The following EXOC6B variants were observed in gnomAD, a reference collection of about 807,000 sequenced individuals.
The protein encoded by EXOC6B is SEC15 homolog B.
A neutral mutation model predicts 113.5 loss-of-function variants in EXOC6B; 54 were observed. That is an observed-to-expected ratio of 0.48 (90% CI 0.38 to 0.60). EXOC6B has a LOEUF of 0.60. Among genes scored for constraint, EXOC6B ranks in the 20% least tolerant of loss-of-function variants. EXOC6B has a pLI of 0.00. For missense variants in EXOC6B, 797 were observed against 977.5 expected, an observed-to-expected ratio of 0.82 and a Z score of 2.46; for synonymous variants, 357 against 339.0, an observed-to-expected ratio of 1.05 and a Z score of -0.58.
intron 20 of EXOC6B, among the ~76,000 whole-genome samples, chr2:72,188,636 C>T (rs1321988263): frequency 6.6e-6 from 1 of 152,204 alleles, no homozygotes; most frequent in East Asian, 1.9e-4. Context: ...GATTTCCAGA[C>T]TGACTTTCAA....
intron 16 of EXOC6B, among the ~76,000 whole-genome samples, chr2:72,483,462 G>A (rs1033966835): frequency 6.6e-6 from 1 of 152,096 alleles, no homozygotes; most frequent in African/African-American, 2.4e-5. Context: ...GATATTGGCA[G>A]TTAAAGAAAA....
chr2:72,450,794 G>T (rs1369560946), intron 18 of EXOC6B, among the ~76,000 whole-genome samples: 2 of 152,116 alleles, frequency 1.3e-5, no homozygotes, highest in Non-Finnish European at 2.9e-5. Flanking sequence ...CAGTTGACTG[G>T]GGCCATAAAC....
At chr2:72,596,039 C>G (rs1398686047) in intron 6 of EXOC6B, among the ~76,000 whole-genome samples, 2 of 152,112 alleles carry the variant, frequency 1.3e-5, no homozygotes, top group Non-Finnish European at 2.9e-5. Flanking sequence ...GGCTTCTCCT[C>G]AGTAATAATA....
intron 6 of EXOC6B, among the ~76,000 whole-genome samples, chr2:72,714,135 T>C (rs1271125384): frequency 6.6e-6 from 1 of 152,160 alleles, no homozygotes; most frequent in Admixed American, 6.5e-5. Context: ...AAGCAAAACA[T>C]AAAATTTCTA....
At chr2:72,683,636 A>G (rs1558915288) in intron 6 of EXOC6B, among the ~76,000 whole-genome samples, 1 of 152,178 alleles carries the variant, frequency 6.6e-6, no homozygotes, top group Non-Finnish European at 1.5e-5. Context: ...ATACACCTTT[A>G]TATAATATTT....
intron 19 of EXOC6B, among the ~76,000 whole-genome samples, chr2:72,338,608 T>C (rs920004355): frequency 6.6e-6 from 1 of 152,180 alleles, no homozygotes; most frequent in African/African-American, 2.4e-5. Flanking sequence ...TTTGTAATTT[T>C]GTGACTCAGT....
intron 17 of EXOC6B, among the ~76,000 whole-genome samples, chr2:72,470,737 T>G (rs1024876025): frequency 5.3e-5 from 8 of 151,522 alleles, no homozygotes; most frequent in African/African-American, 1.9e-4. Context: ...TTGTCCTTGC[T>G]ATAGTTTGCT....
intron 20 of EXOC6B, among the ~76,000 whole-genome samples, chr2:72,187,975 G>A (rs928925592): frequency 6.6e-6 from 1 of 152,238 alleles, no homozygotes; most frequent in African/African-American, 2.4e-5. Flanking sequence ...ACAAGGGCAG[G>A]GAGGGCCTTC....
At chr2:72,452,684 T>C (rs1354335774) in intron 18 of EXOC6B, among the ~76,000 whole-genome samples, 1 of 152,214 alleles carries the variant, frequency 6.6e-6, no homozygotes, top group African/African-American at 2.4e-5. Flanking sequence ...TTAACAGATA[T>C]ATTTGGCTGA....
chr2:72,228,572 A>G (rs2104456531), intron 20 of EXOC6B, among the ~76,000 whole-genome samples: 1 of 152,130 alleles, frequency 6.6e-6, no homozygotes, highest in South Asian at 2.1e-4. Flanking sequence ...AGCTTCATCC[A>G]TGTCCCTACA....
chr2:72,780,239 C>T (rs1683944997), intron 1 of EXOC6B, among the ~76,000 whole-genome samples: 1 of 152,050 alleles, frequency 6.6e-6, no homozygotes, highest in African/African-American at 2.4e-5. Flanking sequence ...AGAAATATAG[C>T]TTACTAAACA....
intron 6 of EXOC6B, among the ~76,000 whole-genome samples, chr2:72,639,342 G>C (rs146721337): frequency 6.6e-6 from 1 of 152,062 alleles, no homozygotes; most frequent in Non-Finnish European, 1.5e-5. Context: ...CACAGAGAAG[G>C]CACCCAGAAA....
At chr2:72,573,828 G>A (rs528124641) in intron 7 of EXOC6B, among the ~76,000 whole-genome samples, 1 of 152,210 alleles carries the variant, frequency 6.6e-6, no homozygotes, top group East Asian at 1.9e-4. Context: ...GAATGTAGTA[G>A]TTTACGGCTG....
At chr2:72,460,034 C>A (rs964190196) in intron 18 of EXOC6B, among the ~76,000 whole-genome samples, 4 of 151,864 alleles carry the variant, frequency 2.6e-5, no homozygotes, top group Admixed American at 6.6e-5. Context: ...CAGAACAGAG[C>A]CCTCAGAAAT....
At chr2:72,611,048 C>T (rs1229539826) in intron 6 of EXOC6B, among the ~76,000 whole-genome samples, 1 of 152,120 alleles carries the variant, frequency 6.6e-6, no homozygotes, top group Non-Finnish European at 1.5e-5. Flanking sequence ...GAGTGGGAGA[C>T]ATGCACCAGT....
intron 18 of EXOC6B, among the ~76,000 whole-genome samples, chr2:72,399,260 A>G (rs1692978191): frequency 6.6e-6 from 1 of 152,190 alleles, no homozygotes; most frequent in African/African-American, 2.4e-5. Context: ...CATACCTCAA[A>G]ATAATAAAAG....
At chr2:72,560,296 T>C (rs1035629751) in intron 7 of EXOC6B, among the ~76,000 whole-genome samples, 1 of 151,936 alleles carries the variant, frequency 6.6e-6, no homozygotes, top group African/African-American at 2.4e-5. Flanking sequence ...AGCTGATTTA[T>C]AGGGATTTAA....
intron 1 of EXOC6B, among the ~76,000 whole-genome samples, chr2:72,811,173 G>A (rs575329552): frequency 6.6e-6 from 1 of 151,980 alleles, no homozygotes; most frequent in Non-Finnish European, 1.5e-5. Flanking sequence ...ATTTAGCCAG[G>A]TGTGGTACAC....
At chr2:72,218,300 C>G (rs750528354) in intron 20 of EXOC6B, among the ~76,000 whole-genome samples, 5 of 152,160 alleles carry the variant, frequency 3.3e-5, no homozygotes, top group Non-Finnish European at 7.4e-5. Flanking sequence ...AACTTTAATC[C>G]TAAGCATAAA....
Sources: allele counts gnomAD v4.1 joint callset (sites outside exome capture counted in the v4.1 genomes callset), GRCh38; gene constraint gnomAD v4.1.1; transcripts MANE v1.5; gene names NCBI Gene and HGNC (gene_info 2026-07-23, HGNC 2026-07-21).